FSTL5: variants seen among roughly 807,000 people sequenced by gnomAD.
The protein encoded by FSTL5 is follistatin like 5.
FSTL5 carries 62 observed loss-of-function variants against 89.1 expected under a neutral mutation model. The observed-to-expected ratio is 0.70, with a 90% CI of 0.57 to 0.86. FSTL5 has a LOEUF of 0.86. FSTL5 is among the 40% of genes least tolerant of loss of function. The pLI is 0.00. For missense variants in FSTL5, 1,057 were observed against 1,001.6 expected (o/e 1.06, Z -0.75); for synonymous variants, 383 against 346.2 (o/e 1.11, Z -1.18).
rs533833035 is a variant in FSTL5 at position 161,810,896 on chromosome 4, ATGAG to A, written c.410-34826_410-34823del. ...TAAAAGCAACCATAGCAACAAACAA[ATGAG>A]TAACACCACCAATAAGATCTATTGT... On this transcript the variant is annotated intron_variant, in intron 4 of 15. Transcript: ENST00000306100. Among the ~76,000 whole-genome samples, 688 of 152,300 alleles carry A rather than the reference ATGAG, an allele frequency of 4.5e-3. 4 individuals carry two copies. Among genetic ancestry groups the A allele is most frequent in the Non-Finnish European group, 7.6e-3 (518 of 68,004 alleles).
chr4:162,097,737 C>A (rs143598841), intron 2 of FSTL5, among the ~76,000 whole-genome samples: 1 of 151,668 alleles, frequency 6.6e-6, no homozygotes, highest in African/African-American at 2.4e-5. Flanking sequence ...CACTAGTTAA[C>A]AAGAAAATTA....
At chr4:161,766,548 C>T (rs1248849647) in intron 5 of FSTL5, among the ~76,000 whole-genome samples, 1 of 152,176 alleles carries the variant, frequency 6.6e-6, no homozygotes, top group East Asian at 1.9e-4. Flanking sequence ...TGGCCCCAAA[C>T]CCATGATTCT....
chr4:161,781,154 AAT>A (rs1741652339), intron 4 of FSTL5, among the ~76,000 whole-genome samples: 1 of 152,084 alleles, frequency 6.6e-6, no homozygotes, highest in Admixed American at 6.6e-5. Context: ...ATTTTAGATA[AAT>A]ATTTTGTATT....
At chr4:162,021,203 G>A (rs1415692644) in intron 3 of FSTL5, among the ~76,000 whole-genome samples, 1 of 151,986 alleles carries the variant, frequency 6.6e-6, no homozygotes, top group Non-Finnish European at 1.5e-5. Flanking sequence ...GCTACTACTA[G>A]GCAACTGCAA....
chr4:162,153,663 T>TAATATATATTATATATGTATATAATA (rs200225187), intron 1 of FSTL5, among the ~76,000 whole-genome samples: 27 of 135,778 alleles, frequency 2.0e-4, no homozygotes, highest in Admixed American at 7.8e-5. Flanking sequence ...ATGTATATAA[T>TAATATATATTATATATGTATATAATA]ATATGTATAT....
chr4:161,575,611 G>A (rs553204938), intron 8 of FSTL5, among the ~76,000 whole-genome samples: 7 of 151,910 alleles, frequency 4.6e-5, no homozygotes, highest in South Asian at 2.1e-4. Flanking sequence ...CTGCTACTGC[G>A]CCTGGCTAAT....
intron 3 of FSTL5, among the ~76,000 whole-genome samples, chr4:161,966,313 TCTTA>T (rs1177618778): frequency 6.6e-6 from 1 of 152,124 alleles, no homozygotes; most frequent in African/African-American, 2.4e-5. Flanking sequence ...TTCACTAAAT[TCTTA>T]CTTAGTACAG....
chr4:161,447,854 A>C (rs542078871), intron 15 of FSTL5, among the ~76,000 whole-genome samples: 1 of 152,258 alleles, frequency 6.6e-6, no homozygotes, highest in East Asian at 1.9e-4. Flanking sequence ...ACATATATAC[A>C]CACAGGCATA....
chr4:161,752,849 T>C (rs1740445924), intron 6 of FSTL5, among the ~76,000 whole-genome samples: 1 of 152,148 alleles, frequency 6.6e-6, no homozygotes, highest in South Asian at 2.1e-4. Flanking sequence ...GATAGGTTTT[T>C]TGTCCTTATG....
At chr4:162,022,162 C>T (rs951782041) in intron 3 of FSTL5, among the ~76,000 whole-genome samples, 11 of 151,454 alleles carry the variant, frequency 7.3e-5, no homozygotes, top group Admixed American at 6.6e-4. Flanking sequence ...GTAATGGCTA[C>T]ACCAAAAGCC....
chr4:161,776,523 ATAT>A (rs1741418275), intron 4 of FSTL5, among the ~76,000 whole-genome samples: 1 of 100,674 alleles, frequency 9.9e-6, no homozygotes, highest in Admixed American at 1.0e-4. Context: ...TGAAATATAT[ATAT>A]GTACGTATAT....
chr4:161,521,862 A>AG (rs1731044632), intron 10 of FSTL5, among the ~76,000 whole-genome samples: 1 of 128,624 alleles, frequency 7.8e-6, no homozygotes, highest in Non-Finnish European at 1.7e-5. Context: ...AAAAAAAAAA[A>AG]AAGAAAAAAA....
At position 162,163,719 on chromosome 4, in the gene FSTL5, GAAAA is replaced by G. The variant is rs1179312023; in HGVS notation, c.-125_-122del. 3 of 149,846 alleles carry G rather than the reference GAAAA, an allele frequency of 2.0e-5. No homozygotes were observed. The highest frequency in any genetic ancestry group is 4.4e-5 in the Non-Finnish European group (3 of 67,418). 9.3% of individuals were successfully genotyped at this position (149,846 alleles called of 1,614,324 possible). A position where few individuals can be genotyped will look rare whatever the true frequency, so the allele number is the denominator to read the frequency against. On this transcript the variant is annotated 5_prime_UTR_variant, in exon 1 of 16. Coordinates refer to ENST00000306100, the MANE Select transcript of FSTL5 (RefSeq NM_020116.5). ...CTCTCAAAAGATCGTCTTAGCTGGG[GAAAA>G]AAAAATAGTTTGGTCTAAAACTATA...
intron 7 of FSTL5, among the ~76,000 whole-genome samples, chr4:161,602,731 C>T (rs1321819807): frequency 6.6e-6 from 1 of 152,060 alleles, no homozygotes; most frequent in African/African-American, 2.4e-5. Flanking sequence ...TAAAGACTGA[C>T]ATTTTCAAAC....
chr4:161,810,956 T>C (rs911767074), intron 4 of FSTL5, among the ~76,000 whole-genome samples: 6 of 152,160 alleles, frequency 3.9e-5, no homozygotes, highest in African/African-American at 1.4e-4. Flanking sequence ...ACAAAGTAAC[T>C]ATGCGTCAGC....
intron 12 of FSTL5, among the ~76,000 whole-genome samples, chr4:161,482,142 C>T (rs1375888555): frequency 6.6e-6 from 1 of 151,730 alleles, no homozygotes; most frequent in East Asian, 1.9e-4. Context: ...GGTGAAAACC[C>T]ATCTCTACTA....
intron 5 of FSTL5, among the ~76,000 whole-genome samples, chr4:161,774,352 A>G (rs550519259): frequency 1.8e-4 from 28 of 152,296 alleles, no homozygotes; most frequent in African/African-American, 6.0e-4. Flanking sequence ...CAACACCACA[A>G]TTCTGAACTT....
intron 4 of FSTL5, among the ~76,000 whole-genome samples, chr4:161,918,290 G>A (rs903797523): frequency 6.6e-6 from 1 of 152,026 alleles, no homozygotes; most frequent in Non-Finnish European, 1.5e-5. Flanking sequence ...TGAGTTAGTT[G>A]TATTTTAGGC....
chr4:161,497,378 G>A (rs1220181401), intron 12 of FSTL5, among the ~76,000 whole-genome samples: 2 of 151,898 alleles, frequency 1.3e-5, no homozygotes, highest in Non-Finnish European at 2.9e-5. Context: ...ATCATAAGCG[G>A]AAATTAGTTA....
Sources: allele counts gnomAD v4.1 joint callset (sites outside exome capture counted in the v4.1 genomes callset), GRCh38; gene constraint gnomAD v4.1.1; transcripts MANE v1.5; gene names NCBI Gene and HGNC (gene_info 2026-07-23, HGNC 2026-07-21).